The following DNAH10 variants were observed in gnomAD, a reference collection of about 807,000 sequenced individuals.
DNAH10 encodes axonemal beta dynein heavy chain 10.
Under a neutral mutation model 506.6 loss-of-function variants are expected in DNAH10, and 348 were observed. That is an observed-to-expected ratio of 0.69 (90% CI 0.63 to 0.75). The LOEUF (loss-of-function observed/expected upper bound fraction) is 0.75, where lower values mean the gene tolerates loss of function less well. Among genes scored for constraint, DNAH10 ranks in the 30% least tolerant of loss-of-function variants. The pLI is 0.00. For missense variants in DNAH10, 5,179 were observed against 5,787.1 expected, an observed-to-expected ratio of 0.89 and a Z score of 3.41; for synonymous variants, 2,059 against 2,198.6, an observed-to-expected ratio of 0.94 and a Z score of 1.78.
At chr12:123,774,398 T>A (rs990333859) in intron 5 of DNAH10, 134 bp downstream of exon 5, 5 of 612,116 alleles carry the variant, frequency 8.2e-6, no homozygotes, top group Non-Finnish European at 1.4e-5. Context: ...TGAGACCAGC[T>A]CGGTTGGGGA....
At position 123,903,240 on chromosome 12, in the gene DNAH10, T is replaced by C; in HGVS notation, c.9815+127T>C. The C allele has an allele frequency of 8.0e-7, 1 of 1,257,214 alleles. No homozygotes were observed. 77.9% of individuals were successfully genotyped at this position (1,257,214 alleles called of 1,614,324 possible). A position where few individuals can be genotyped will look rare whatever the true frequency, so the allele number is the denominator to read the frequency against. On this transcript the variant is annotated intron_variant, in intron 57 of 78. Coordinates refer to ENST00000673944, the MANE Select transcript of DNAH10 (RefSeq NM_001372106.1). The surrounding 1 kb of genome is among the most constrained non-coding windows in gnomAD (Gnocchi z 4.6). The stretch of plus-strand genomic sequence containing the variant: ...CATGCTGCCACTGTGCCTGGCTCTC[T>C]CCATGGTGGAGACTGTTGTTGCCCT...
At chr12:123,906,504 A>C (rs1451938188) in intron 57 of DNAH10, among the ~76,000 whole-genome samples, 1 of 152,082 alleles carries the variant, frequency 6.6e-6, no homozygotes, top group East Asian at 1.9e-4. Context: ...AGCCTCCCAA[A>C]GTGTTGGGAT....
In DNAH10 at chr12:123,789,961, A is replaced by T; in HGVS notation, c.1655A>T (p.Glu552Val). The T allele has an allele frequency of 6.2e-7, 1 of 1,614,060 alleles. No homozygotes were observed. Among genetic ancestry groups the T allele is most frequent in the Non-Finnish European group, 8.5e-7 (1 of 1,179,984 alleles). ...GAATTTTATAACATATTTGGTCCAG[A>T]ACTAAAGGCAGTGACGGGGGACCCC... ...LEEFYNIFGP[E>V]LKAVTGDPKR... The change falls in exon 11 of 79, where the codon GAA becomes GTA. Residue 552 changes from glutamate to valine, a missense_variant. Glu to Val is a moderately radical substitution (Grantham distance 121). Coordinates refer to ENST00000673944, the MANE Select transcript of DNAH10 (RefSeq NM_001372106.1).
chr12:123,887,296 A>G lies in DNAH10; in HGVS notation c.8978A>G (p.Asn2993Ser). The part of the protein sequence containing the change: ...VAEEGFLELI[N>S]NMLTSGIVPA... ...GAGGAGGGCTTCCTGGAGCTCATCA[A>G]CAACATGCTGACCTCAGGTACAGCC... Residue 2993 changes from asparagine to serine, a missense_variant, in exon 52 of 79, where the codon AAC becomes AGC. Around this residue, in one of 3 missense-constraint regions of DNAH10, gnomAD observed 4,844 missense variants for 5,430.5 expected, o/e 0.89. Transcript: ENST00000673944. The G allele has an allele frequency of 6.2e-7, 1 of 1,613,742 alleles. No homozygotes were observed. The highest frequency in any genetic ancestry group is 8.5e-7 in the Non-Finnish European group (1 of 1,179,792).
chr12:123,787,866 A>T lies in DNAH10; in HGVS notation c.1484A>T (p.Lys495Ile). The change falls in exon 10 of 79, where the codon AAA becomes ATA. Residue 495 changes from lysine (K) to isoleucine (I), a missense_variant. Coordinates refer to ENST00000673944, the MANE Select transcript of DNAH10 (RefSeq NM_001372106.1). This position sits in a 1 kb window ranked among gnomAD's most constrained non-coding sequence, Gnocchi z 4.6. The part of the protein sequence containing the change: ...LEARNTLRLW[K>I]KAYFDTRAKI... Reference sequence around the variant, plus strand: ...GCCAGGAACACCCTCAGGCTGTGGAAAAAGGCCTATTTTGACACCCGGGCC... The same window carrying T: ...GCCAGGAACACCCTCAGGCTGTGGATAAAGGCCTATTTTGACACCCGGGCC... 2 of 1,614,064 alleles carry T rather than the reference A, an allele frequency of 1.2e-6. No individual in the cohort carries two copies. The highest frequency in any genetic ancestry group is 8.5e-7 in the Non-Finnish European group (1 of 1,179,994).
chr12:123,866,845 T>C (rs1217904939), intron 41 of DNAH10, among the ~76,000 whole-genome samples: 6 of 152,156 alleles, frequency 3.9e-5, no homozygotes, highest in Non-Finnish European at 8.8e-5. Context: ...AGTGCAGAGA[T>C]GGATGTGACA....
rs12423527 is a variant in DNAH10, at chr12:123,866,087, C to T, written c.7167+14C>T. ...ATACCAAACAAGGTGAAATTTTTTT[C>T]TAAAATGAACTTAAATTTATTAGTA... On this transcript the variant is annotated intron_variant, in intron 41 of 78. Transcript: ENST00000673944. 10 of 1,579,792 alleles carry T rather than the reference C, an allele frequency of 6.3e-6. No homozygotes were observed. The highest frequency in any genetic ancestry group is 8.6e-6 in the Non-Finnish European group (10 of 1,163,044).
intron 54 of DNAH10, among the ~76,000 whole-genome samples, chr12:123,896,663 C>T (rs1953260239): frequency 7.2e-6 from 1 of 138,454 alleles, no homozygotes; most frequent in Non-Finnish European, 1.5e-5. Flanking sequence ...TTAGGGAAGA[C>T]AGGGCTTCCT....
chr12:123,765,191 G>A (rs1366268404), intron 1 of DNAH10, among the ~76,000 whole-genome samples: 7 of 151,956 alleles, frequency 4.6e-5, no homozygotes, highest in East Asian at 3.9e-4. Flanking sequence ...TAAAGGCGAG[G>A]TGTCCTTCCG....
chr12:123,793,341 CT>C (rs899753911), intron 11 of DNAH10, among the ~76,000 whole-genome samples: 1,804 of 140,210 alleles, frequency 0.013, 25 homozygotes, highest in African/African-American at 0.036. Context: ...TAGTTACTGT[CT>C]TTTTTTTTTT....
At position 123,924,352 on chromosome 12, in the gene DNAH10, A is replaced by G. The variant is rs766508506; in HGVS notation, c.11686A>G (p.Ile3896Val). The stretch of plus-strand genomic sequence containing the variant: ...GTCTGACCAAGGATGGGAAGATATC[A>G]TTCTTTTATCAGAAATGTTTTCAGA... ...WLSDQGWEDI[I>V]LLSEMFSDNF... The change falls in exon 67 of 79, where the codon ATT becomes GTT. Residue 3896 changes from isoleucine (I) to valine (V), a missense_variant. Ile to Val is a conservative substitution (Grantham distance 29, BLOSUM62 3). Coordinates refer to ENST00000673944, the MANE Select transcript of DNAH10 (RefSeq NM_001372106.1). 6.2e-6 allele frequency: 10 copies of G among 1,613,646 alleles called. No individual in the cohort carries two copies. The highest frequency in any genetic ancestry group is 8.5e-6 in the Non-Finnish European group (10 of 1,179,786).
intron 34 of DNAH10, 98 bp downstream of exon 34, chr12:123,848,980 C>T: frequency 1.4e-6 from 2 of 1,405,906 alleles, no homozygotes; most frequent in Non-Finnish European, 1.9e-6. Context: ...GCCGTTGACA[C>T]TCCAGACCAG....
At position 123,853,197 on chromosome 12, in the gene DNAH10, A is replaced by G. The variant is rs1951243372; in HGVS notation, c.6292-9A>G. The G allele has an allele frequency of 1.9e-6, 3 of 1,578,834 alleles. No homozygotes were observed. Among genetic ancestry groups the G allele is most frequent in the Non-Finnish European group, 2.6e-6 (3 of 1,162,118 alleles). ...CTTTTTTTTTGTATTATTATCTTCT[A>G]TCAAAAAGACTCTGGCGAAAAAGAT... On this transcript the variant is annotated splice_polypyrimidine_tract_variant and intron_variant, in intron 35 of 78. Coordinates refer to ENST00000673944, the MANE Select transcript of DNAH10 (RefSeq NM_001372106.1). The surrounding 1 kb of genome is among the most constrained non-coding windows in gnomAD (Gnocchi z 4.7).
intron 29 of DNAH10, among the ~76,000 whole-genome samples, chr12:123,839,228 A>AAAAAC (rs1565974168): frequency 6.6e-6 from 1 of 151,886 alleles, no homozygotes; most frequent in African/African-American, 2.4e-5. Context: ...AAAAAAAAAA[A>AAAAAC]AAACAAAAAA....
intron 26 of DNAH10, 80 bp downstream of exon 26, chr12:123,830,779 C>T (rs1293271842): frequency 8.6e-7 from 1 of 1,158,896 alleles, no homozygotes; most frequent in South Asian, 2.0e-5. Flanking sequence ...CTCATCTATA[C>T]TAAAAAAAAA....
At chr12:123,873,838 C>T in intron 46 of DNAH10, 128 bp downstream of exon 46, 2 of 1,291,848 alleles carry the variant, frequency 1.5e-6, no homozygotes, top group Non-Finnish European at 2.0e-6. Flanking sequence ...CTGCAGGGTA[C>T]AGGCTGCGGG....
At position 123,829,623 on chromosome 12, in the gene DNAH10, C is replaced by A. The variant is rs534928251; in HGVS notation, c.4392-923C>A. Among the ~76,000 whole-genome samples, 4 of 152,302 alleles carry A rather than the reference C, an allele frequency of 2.6e-5. No individual in the cohort carries two copies. The South Asian group carries it at 8.3e-4, about 32-fold the overall frequency. The stretch of plus-strand genomic sequence containing the variant: ...TTACCCTTCAGTTTCAGTTCTGACA[C>A]CCTCCTTCCTGTCCGTGCTGTGCTA... On this transcript the variant is annotated intron_variant, in intron 25 of 78. Transcript: ENST00000673944.
chr12:123,890,616 T>C (rs1353249834), intron 52 of DNAH10, among the ~76,000 whole-genome samples: 1 of 152,026 alleles, frequency 6.6e-6, no homozygotes, highest in African/African-American at 2.4e-5. Flanking sequence ...ATCCCTCCAG[T>C]GCGCCGTGGG....
chr12:123,792,293 G>A (rs1440910383), intron 11 of DNAH10, among the ~76,000 whole-genome samples: 1 of 152,022 alleles, frequency 6.6e-6, no homozygotes, highest in African/African-American at 2.4e-5. Context: ...TGTACCCATT[G>A]TTAATTTTTT....
Sources: gnomAD v4.1 joint callset for allele counts (sites outside exome capture counted in the v4.1 genomes callset) on GRCh38, gnomAD v4.1.1 for gene constraint, gnomAD v4.1.1 regional missense constraint, Gnocchi (gnomAD v3.1) non-coding constraint, MANE v1.5 for transcripts, NCBI Gene and HGNC (gene_info 2026-07-23, HGNC 2026-07-21) for gene names.